The following SMURF2 variants were observed in gnomAD, a reference collection of about 807,000 sequenced individuals.
SMURF2 encodes the protein E3 ubiquitin-protein ligase SMURF2.
SMURF2 carries 48 observed loss-of-function variants against 109.6 expected under a neutral mutation model. The observed-to-expected ratio is 0.44, with a 90% CI of 0.35 to 0.56. The LOEUF is 0.56. Among genes scored for constraint, SMURF2 ranks in the 20% least tolerant of loss-of-function variants. SMURF2 has a pLI of 0.01. For missense variants in SMURF2, 575 were observed against 909.0 expected, an observed-to-expected ratio of 0.63 and a Z score of 4.72; for synonymous variants, 288 against 317.1, an observed-to-expected ratio of 0.91 and a Z score of 0.97.
Position 64,548,407 on chromosome 17 carries a change from A to G in SMURF2, c.1870-606T>C, listed in dbSNP as rs973185010. Among the ~76,000 whole-genome samples the G allele has an allele frequency of 2.6e-5, 4 of 152,088 alleles. No homozygotes were observed. The South Asian group carries it at 6.2e-4, about 24-fold the overall frequency. On this transcript the variant is annotated intron_variant, in intron 16 of 18. Transcript: ENST00000262435. Reference sequence around the variant, plus strand: ...TTTGCTTAATAATTTTTTTTTTTTAAGACAGAATTTTGCTCTGTCTCCTAG... The same window carrying G: ...TTTGCTTAATAATTTTTTTTTTTTAGGACAGAATTTTGCTCTGTCTCCTAG...
chr17:64,578,726 T>C (rs1169865473), intron 8 of SMURF2, 150 bp from the exon 9 acceptor site: 4 of 595,688 alleles, frequency 6.7e-6, no homozygotes, highest in East Asian at 5.7e-5. Flanking sequence ...TACAAATCAT[T>C]TGTTCTGTCT....
chr17:64,622,256 C>A (rs966743433), intron 1 of SMURF2, among the ~76,000 whole-genome samples: 7 of 151,864 alleles, frequency 4.6e-5, no homozygotes, highest in African/African-American at 1.2e-4. Flanking sequence ...AAAGTTAGTA[C>A]AGTGTTCCCA....
intron 1 of SMURF2, among the ~76,000 whole-genome samples, chr17:64,639,498 AC>A (rs1970465614): frequency 6.6e-6 from 1 of 152,038 alleles, no homozygotes; most frequent in Non-Finnish European, 1.5e-5. Flanking sequence ...AATCACTTGA[AC>A]CCGGGAGGCG....
intron 5 of SMURF2, among the ~76,000 whole-genome samples, 159 bp from the exon 6 acceptor site, chr17:64,586,329 A>AT (rs1336114201): frequency 3.9e-5 from 6 of 152,244 alleles, no homozygotes; most frequent in Admixed American, 1.3e-4. Context: ...TTTCCCATAG[A>AT]TTTTTCCCTT....
Position 64,593,624 on chromosome 17 carries a change from C to T in SMURF2, c.201-51G>A, listed in dbSNP as rs570161371. The T allele has an allele frequency of 1.8e-5, 26 of 1,427,174 alleles. No homozygotes were observed. In the South Asian group the frequency reaches 2.3e-4, roughly 13 times the overall value. The allele number at this position is 1,427,174 out of a possible 1,614,324, so 88.4% of individuals were successfully genotyped here. A position where few individuals can be genotyped will look rare whatever the true frequency, so the allele number is the denominator to read the frequency against. On this transcript the variant is annotated intron_variant, in intron 3 of 18. Transcript: ENST00000262435. ...TAACTTGGTAGTTACAGGCAGTTGG[C>T]GTAAAATTTTTCTTTTGTTCTTTTT...
At chr17:64,656,331 G>A (rs1970704842) in intron 1 of SMURF2, among the ~76,000 whole-genome samples, 1 of 152,174 alleles carries the variant, frequency 6.6e-6, no homozygotes, top group South Asian at 2.1e-4. Flanking sequence ...GTCTCAGGTA[G>A]ATCAATAAGA....
chr17:64,547,576 C>A lies in SMURF2; in HGVS notation c.2071+24G>T. 1 of 1,611,482 alleles carries A rather than the reference C, an allele frequency of 6.2e-7. No homozygotes were observed. Among genetic ancestry groups the A allele is most frequent in the Non-Finnish European group, 8.5e-7 (1 of 1,177,832 alleles). ...AGCCCCGCCCCCACCCGCTGCCCAGCTTGCCTGCACCTCAGGCTGTTACCT... is the reference window on the plus strand; with the variant it reads ...AGCCCCGCCCCCACCCGCTGCCCAGATTGCCTGCACCTCAGGCTGTTACCT... On this transcript the variant is annotated intron_variant, in intron 17 of 18. Transcript: ENST00000262435. This position sits in a 1 kb window ranked among gnomAD's most constrained non-coding sequence, Gnocchi z 4.2.
At chr17:64,619,640 CAATGTCTGGTGAGGG>C (rs1555690455) in intron 1 of SMURF2, among the ~76,000 whole-genome samples, 1 of 152,062 alleles carries the variant, frequency 6.6e-6, no homozygotes, top group East Asian at 1.9e-4. Flanking sequence ...CCAGCAGAGT[CAATGTCTGGTGAGGG>C]CCGTCTTCCT....
At chr17:64,555,142 G>A in intron 14 of SMURF2, 149 bp from the exon 15 acceptor site, 2 of 698,688 alleles carry the variant, frequency 2.9e-6, no homozygotes, top group Non-Finnish European at 4.5e-6. Flanking sequence ...AGTTCTTTCT[G>A]GACAGAAAAG....
In SMURF2 at chr17:64,662,003, G is replaced by A. The variant is rs1325865651; in HGVS notation, c.-123C>T. The A allele has an allele frequency of 2.5e-5, 28 of 1,112,014 alleles. No individual in the cohort carries two copies. The highest frequency in any genetic ancestry group is 3.1e-5 in the Non-Finnish European group (28 of 911,972). The allele number at this position is 1,112,014 out of a possible 1,614,324, so 68.9% of individuals were successfully genotyped here. A position where few individuals can be genotyped will look rare whatever the true frequency, so the allele number is the denominator to read the frequency against. ...GCCGGCGCCTCGGCCGCCACGGCCG[G>A]AGGGTCCCGGATGTGCCGAGAGTCG... On this transcript the variant is annotated 5_prime_UTR_variant, in exon 1 of 19. Coordinates refer to ENST00000262435, the MANE Select transcript of SMURF2 (RefSeq NM_022739.4).
chr17:64,628,722 T>C (rs1426535028), intron 1 of SMURF2, among the ~76,000 whole-genome samples: 2 of 152,154 alleles, frequency 1.3e-5, no homozygotes, highest in African/African-American at 4.8e-5. Context: ...TGAAGGATTC[T>C]CTAACAAGAG....
At chr17:64,564,860 C>A (rs970776491) in intron 10 of SMURF2, among the ~76,000 whole-genome samples, 14 of 152,054 alleles carry the variant, frequency 9.2e-5, no homozygotes, top group Admixed American at 9.2e-4. Context: ...CCATCCAGTT[C>A]GTGGTATTTT....
chr17:64,591,014 T>C, intron 5 of SMURF2, 70 bp downstream of exon 5: 1 of 1,143,622 alleles, frequency 8.7e-7, no homozygotes, highest in Non-Finnish European at 1.3e-6. Flanking sequence ...TATACTTTGA[T>C]TTAAAAGGTA....
chr17:64,618,553 T>C (rs1338402171), intron 1 of SMURF2, among the ~76,000 whole-genome samples: 3 of 152,216 alleles, frequency 2.0e-5, no homozygotes, highest in Admixed American at 2.0e-4. Context: ...AACATTATCC[T>C]GTCTGCTGCT....
At chr17:64,642,355 C>T (rs147754342) in intron 1 of SMURF2, among the ~76,000 whole-genome samples, 4 of 152,296 alleles carry the variant, frequency 2.6e-5, no homozygotes, top group African/African-American at 7.2e-5. Flanking sequence ...TTACCTGCAT[C>T]ATGATTCTTC....
intron 1 of SMURF2, among the ~76,000 whole-genome samples, chr17:64,614,944 G>T (rs1970101208): frequency 6.6e-6 from 1 of 152,294 alleles, no homozygotes; most frequent in Non-Finnish European, 1.5e-5. Context: ...ATTTGAGGCA[G>T]CGATTAGAGA....
intron 1 of SMURF2, among the ~76,000 whole-genome samples, chr17:64,652,240 C>A (rs1187674915): frequency 1.3e-5 from 2 of 152,120 alleles, no homozygotes; most frequent in Non-Finnish European, 2.9e-5. Flanking sequence ...TATGGCACCA[C>A]GTAATAAAAA....
chr17:64,594,747 G>A (rs1237606453), intron 3 of SMURF2, among the ~76,000 whole-genome samples: 1 of 152,132 alleles, frequency 6.6e-6, no homozygotes, highest in Admixed American at 6.6e-5. Flanking sequence ...AGCACTTTAG[G>A]AGGCCGAGGC....
intron 16 of SMURF2, among the ~76,000 whole-genome samples, chr17:64,548,783 C>T (rs1968994802): frequency 6.6e-6 from 1 of 152,160 alleles, no homozygotes. Context: ...TGGAGGGTCA[C>T]ACAGATGAAC....
Sources: allele counts gnomAD v4.1 joint callset (sites outside exome capture counted in the v4.1 genomes callset), GRCh38; gene constraint gnomAD v4.1.1; non-coding constraint Gnocchi (gnomAD v3.1); transcripts MANE v1.5; gene names NCBI Gene and HGNC (gene_info 2026-07-23, HGNC 2026-07-21).